PSTPIP2: variants seen among roughly 807,000 people sequenced by gnomAD.
PSTPIP2 encodes proline-serine-threonine phosphatase-interacting protein 2.
PSTPIP2 carries 33 observed loss-of-function variants against 63.3 expected under a neutral mutation model. The observed-to-expected ratio is 0.52, with a 90% confidence interval of 0.40 to 0.70. PSTPIP2 has a LOEUF of 0.70. Among genes scored for constraint, PSTPIP2 ranks in the 30% least tolerant of loss-of-function variants. The pLI is 0.00. For synonymous variants in PSTPIP2, 125 were observed against 132.7 expected (o/e 0.94, Z 0.40); for missense variants, 312 against 400.7 (o/e 0.78, Z 1.89).
chr18:46,044,334 A>G (rs1908303375), intron 1 of PSTPIP2, among the ~76,000 whole-genome samples: 1 of 152,228 alleles, frequency 6.6e-6, no homozygotes, highest in South Asian at 2.1e-4. Flanking sequence ...AACAGAACAG[A>G]GCCCTCAGAA....
chr18:45,989,996 T>G (rs757275128), intron 13 of PSTPIP2: 1 of 152,202 alleles, frequency 6.6e-6, no homozygotes, highest in East Asian at 1.9e-4. Flanking sequence ...AGAGATATCA[T>G]AGGCGTTCAA....
intron 8 of PSTPIP2, 123 bp from the exon 9 acceptor site, chr18:45,997,951 C>G: frequency 1.3e-6 from 1 of 785,686 alleles, no homozygotes; most frequent in South Asian, 1.4e-5. Flanking sequence ...TTACAAGGCC[C>G]CCAGGACTCT....
chr18:46,070,783 G>T (rs748184283), intron 1 of PSTPIP2, among the ~76,000 whole-genome samples: 1 of 152,150 alleles, frequency 6.6e-6, no homozygotes. Flanking sequence ...GCCTCCCAAC[G>T]TGCTGGGATC....
chr18:46,059,538 C>T (rs1047345256), intron 1 of PSTPIP2, among the ~76,000 whole-genome samples: 5 of 151,890 alleles, frequency 3.3e-5, no homozygotes, highest in Admixed American at 1.3e-4. Context: ...CGTGAGCCAC[C>T]GCGCCTGGTC....
chr18:46,033,122 C>G (rs1220291071), intron 2 of PSTPIP2, among the ~76,000 whole-genome samples: 1 of 152,158 alleles, frequency 6.6e-6, no homozygotes, highest in Non-Finnish European at 1.5e-5. Flanking sequence ...GGTCTAGGGC[C>G]TTGAATAATA....
chr18:46,067,027 CAAAAA>C (rs35558747), intron 1 of PSTPIP2, among the ~76,000 whole-genome samples: 3 of 130,070 alleles, frequency 2.3e-5, no homozygotes, highest in Non-Finnish European at 1.6e-5. Context: ...AACTCCATCT[CAAAAA>C]AAAAAAAAAA....
intron 5 of PSTPIP2, among the ~76,000 whole-genome samples, chr18:46,005,848 T>A (rs1599707758): frequency 1.3e-5 from 2 of 152,206 alleles, no homozygotes; most frequent in East Asian, 1.9e-4. Flanking sequence ...AAAGGAATTT[T>A]AAAACTTTTG....
Position 46,025,280 on chromosome 18 carries a change from A to C in PSTPIP2, c.135-594T>G, listed in dbSNP as rs1369438160. Among the ~76,000 whole-genome samples, 4 of 152,188 alleles carry C rather than the reference A, an allele frequency of 2.6e-5. No individual in the cohort carries two copies. The South Asian group carries it at 8.3e-4, about 32-fold the overall frequency. On this transcript the variant is annotated intron_variant, in intron 2 of 14. Transcript: ENST00000409746. ...AGAGTGATTTAGGCTCATCTACCCTACTTTTTTCTTCAGATTTAAAAAAAT... is the reference window on the plus strand; with the variant it reads ...AGAGTGATTTAGGCTCATCTACCCTCCTTTTTTCTTCAGATTTAAAAAAAT...
At chr18:46,005,612 A>G in intron 5 of PSTPIP2, 81 bp from the exon 6 acceptor site, 1 of 1,056,222 alleles carries the variant, frequency 9.5e-7, no homozygotes, top group Non-Finnish European at 1.4e-6. Flanking sequence ...ATACCAGCTT[A>G]TCTTGAGGGT....
intron 4 of PSTPIP2, among the ~76,000 whole-genome samples, chr18:46,015,287 G>C (rs1250534064): frequency 2.6e-5 from 4 of 152,156 alleles, no homozygotes; most frequent in Admixed American, 2.6e-4. Flanking sequence ...CAAATGTTTG[G>C]TGATCTGGGA....
At chr18:46,064,836 C>T (rs1293731577) in intron 1 of PSTPIP2, among the ~76,000 whole-genome samples, 1 of 151,930 alleles carries the variant, frequency 6.6e-6, no homozygotes, top group East Asian at 1.9e-4. Flanking sequence ...ATGACATGCA[C>T]CACATTCTTT....
chr18:46,021,674 G>A (rs551843422), intron 3 of PSTPIP2, among the ~76,000 whole-genome samples: 9 of 151,104 alleles, frequency 6.0e-5, no homozygotes, highest in South Asian at 4.2e-4. Flanking sequence ...GGCCAGAGAC[G>A]GTGGCTCATG....
intron 10 of PSTPIP2, among the ~76,000 whole-genome samples, chr18:45,992,573 A>AC (rs398120424): frequency 2.0e-5 from 3 of 151,476 alleles, no homozygotes; most frequent in Non-Finnish European, 4.4e-5. Flanking sequence ...AAAAAAAAAA[A>AC]CAAAAAAACA....
At chr18:46,010,474 T>C (rs2051782870) in intron 5 of PSTPIP2, among the ~76,000 whole-genome samples, 1 of 152,200 alleles carries the variant, frequency 6.6e-6, no homozygotes, top group African/African-American at 2.4e-5. Context: ...GGACCCTACA[T>C]GGCTGCAGGA....
chr18:45,998,731 A>C (rs1246375167), intron 8 of PSTPIP2, 63 bp downstream of exon 8: 1 of 1,512,290 alleles, frequency 6.6e-7, no homozygotes, highest in African/African-American at 1.4e-5. Context: ...TCTCAGGGAC[A>C]CATTTAGGAT....
rs2051847591 is a variant in PSTPIP2 at position 46,015,883 on chromosome 18, T to TA, written c.247+19_247+20insT. On this transcript the variant is annotated intron_variant, in intron 4 of 14. Transcript: ENST00000409746. The stretch of plus-strand genomic sequence containing the variant: ...TTGTCAAGGGCAGTGAATACATTTT[T>TA]TAAAAAAAAAATCACTTACGCTGCT... 4.4e-6 allele frequency: 7 copies of TA among 1,587,960 alleles called. No homozygotes were observed. Among genetic ancestry groups the TA allele is most frequent in the Non-Finnish European group, 5.1e-6 (6 of 1,173,628 alleles).
At chr18:46,046,923 GCT>G (rs1908403573) in intron 1 of PSTPIP2, among the ~76,000 whole-genome samples, 1 of 152,244 alleles carries the variant, frequency 6.6e-6, no homozygotes, top group Non-Finnish European at 1.5e-5. Flanking sequence ...GCATAAGTGC[GCT>G]GCACTTTGCA....
rs537883452 is a variant in PSTPIP2, at chr18:45,985,649, T to C, written c.*9-199A>G. ...ATGGTAAATAATACATACATTTACA[T>C]TTTTATACATATTTCAAATTTGAAA... is the stretch of plus-strand genomic sequence containing the variant. On this transcript the variant is annotated intron_variant, in intron 14 of 14. Transcript: ENST00000409746. Among the ~76,000 whole-genome samples the C allele has an allele frequency of 4.6e-5, 7 of 152,332 alleles. No individual in the cohort carries two copies. In the East Asian group the frequency reaches 1.3e-3, roughly 29 times the overall value.
chr18:46,023,155 A>G (rs1411757791), intron 3 of PSTPIP2, among the ~76,000 whole-genome samples: 2 of 152,216 alleles, frequency 1.3e-5, no homozygotes, highest in Admixed American at 1.3e-4. Flanking sequence ...AGGAAAAATA[A>G]CTAATGGGTA....
Sources: gnomAD v4.1 joint callset for allele counts (sites outside exome capture counted in the v4.1 genomes callset) on GRCh38, gnomAD v4.1.1 for gene constraint, MANE v1.5 for transcripts, NCBI Gene and HGNC (gene_info 2026-07-23, HGNC 2026-07-21) for gene names.